Variants in PARD3B observed in about 807,000 individuals in gnomAD.
The protein encoded by PARD3B is par-3 family cell polarity regulator beta.
PARD3B carries 103 observed loss-of-function variants against 130.2 expected under a neutral mutation model. The ratio of observed to expected loss-of-function variants is 0.79; its 90% CI spans 0.67 to 0.93. The LOEUF is 0.93. Ranked by LOEUF, PARD3B falls within the 40% of genes least tolerant of loss-of-function variation. PARD3B has a pLI of 0.00. For missense variants in PARD3B, 1,609 were observed against 1,499.2 expected (o/e 1.07, Z -1.21); for synonymous variants, 583 against 553.2 (o/e 1.05, Z -0.76).
intron 2 of PARD3B, among the ~76,000 whole-genome samples, chr2:204,732,488 G>A (rs1309034881): frequency 1.2e-4 from 18 of 150,100 alleles, no homozygotes. Context: ...TTATTCACAA[G>A]AGAAGAAAGT....
intron 21 of PARD3B, among the ~76,000 whole-genome samples, chr2:205,520,089 TGTTCCTCCCCTAA>T (rs1283302101): frequency 1.3e-5 from 2 of 152,168 alleles, no homozygotes; most frequent in East Asian, 3.9e-4. Context: ...TCAGTGTTTT[TGTTCCTCCCCTAA>T]CTTAGAGGCA....
intron 2 of PARD3B, among the ~76,000 whole-genome samples, chr2:204,908,312 A>G (rs2047110509): frequency 6.6e-6 from 1 of 152,236 alleles, no homozygotes; most frequent in South Asian, 2.1e-4. Context: ...TAATTATCAC[A>G]TATCGAAGAT....
intron 2 of PARD3B, among the ~76,000 whole-genome samples, chr2:204,856,630 T>C (rs572196359): frequency 6.6e-6 from 1 of 152,322 alleles, no homozygotes; most frequent in African/African-American, 2.4e-5. Flanking sequence ...ACTGGTGTCA[T>C]GGAGCATTTC....
intron 4 of PARD3B, among the ~76,000 whole-genome samples, chr2:205,062,554 T>C (rs549237699): frequency 6.6e-6 from 1 of 152,266 alleles, no homozygotes; most frequent in African/African-American, 2.4e-5. Context: ...GGAGTGGAAG[T>C]GCACTGAGGA....
intron 11 of PARD3B, among the ~76,000 whole-genome samples, chr2:205,159,490 C>T (rs1296574913): frequency 6.6e-6 from 1 of 152,142 alleles, no homozygotes; most frequent in Admixed American, 6.5e-5. Context: ...GTATAGTGTA[C>T]TGGTTAGCTA....
rs772335730 is a variant in PARD3B at position 205,400,979 on chromosome 2, A to G, written c.2631-34A>G. ...GCTCTACCGCAAAAACAATGTGATT[A>G]TTGTTAACAGCCTTCTCCTTCACGT... is the stretch of plus-strand genomic sequence containing the variant. On this transcript the variant is annotated intron_variant, in intron 18 of 22. Coordinates refer to ENST00000406610, the MANE Select transcript of PARD3B (RefSeq NM_001302769.2). 6.1e-6 allele frequency: 9 copies of G among 1,486,826 alleles called. No homozygotes were observed. In the Admixed American group the frequency reaches 1.7e-4, roughly 29 times the overall value. 92.1% of individuals were successfully genotyped at this position (1,486,826 alleles called of 1,614,324 possible).
chr2:204,860,163 T>C (rs2045123499), intron 2 of PARD3B, among the ~76,000 whole-genome samples: 1 of 152,218 alleles, frequency 6.6e-6, no homozygotes, highest in South Asian at 2.1e-4. Flanking sequence ...AAAAATGTGT[T>C]ATATCAATGA....
At chr2:204,984,882 T>C (rs1292529561) in intron 3 of PARD3B, among the ~76,000 whole-genome samples, 2 of 152,088 alleles carry the variant, frequency 1.3e-5, no homozygotes, top group Non-Finnish European at 2.9e-5. Context: ...CAGGAAAGAA[T>C]TACTGCTCAC....
chr2:205,113,432 T>A, intron 5 of PARD3B, 59 bp from the exon 6 acceptor site: 1 of 1,142,258 alleles, frequency 8.8e-7, no homozygotes, highest in Non-Finnish European at 1.3e-6. Flanking sequence ...GTATTTTAGA[T>A]GTGCTCCCTC....
intron 3 of PARD3B, among the ~76,000 whole-genome samples, chr2:205,027,930 G>T (rs905705666): frequency 2.0e-5 from 3 of 152,042 alleles, no homozygotes; most frequent in Admixed American, 6.6e-5. Flanking sequence ...AATGTGTCTT[G>T]TTTTTATGCC....
At position 205,575,111 on chromosome 2, in the gene PARD3B, ACACG is replaced by A. The variant is rs200664614; in HGVS notation, c.3260+21710_3260+21713del. ...CACACACACACACACACACACACACACACGCGTACACTATATATAAAAATATATT... is the reference window on the plus strand; with the variant it reads ...CACACACACACACACACACACACACACGTACACTATATATAAAAATATATT... On this transcript the variant is annotated intron_variant, in intron 22 of 22. Coordinates refer to ENST00000406610, the MANE Select transcript of PARD3B (RefSeq NM_001302769.2). The surrounding 1 kb of genome is among the most constrained non-coding windows in gnomAD (Gnocchi z 4.6). Among the ~76,000 whole-genome samples, 17,906 of 147,108 alleles carry A rather than the reference ACACG, an allele frequency of 0.12. 1,271 individuals are homozygous for A. The highest frequency in any genetic ancestry group is 0.28 in the East Asian group (1,439 of 5,098).
chr2:205,275,697 C>T (rs1340662119), intron 16 of PARD3B, among the ~76,000 whole-genome samples: 1 of 151,744 alleles, frequency 6.6e-6, no homozygotes, highest in Admixed American at 6.6e-5. Flanking sequence ...ATTAGCCGGG[C>T]ATGGTGGCAG....
In PARD3B at chr2:205,558,707, C is replaced by T. The variant is rs935508852; in HGVS notation, c.3260+5304C>T. ...TCCTCCATTCCTGCCAATTCAATGCCCGTCTCTATGATGATTCCAAAAGTA... is the reference window on the plus strand; with the variant it reads ...TCCTCCATTCCTGCCAATTCAATGCTCGTCTCTATGATGATTCCAAAAGTA... On this transcript the variant is annotated intron_variant, in intron 22 of 22. Transcript: ENST00000406610. This position sits in a 1 kb window ranked among gnomAD's most constrained non-coding sequence, Gnocchi z 4.8. Among the ~76,000 whole-genome samples, 54 of 152,114 alleles carry T rather than the reference C, an allele frequency of 3.5e-4. No individual in the cohort carries two copies. Among genetic ancestry groups the T allele is most frequent in the Non-Finnish European group, 1.3e-4 (9 of 68,028 alleles).
At chr2:204,592,076 C>A (rs558813844) in intron 1 of PARD3B, among the ~76,000 whole-genome samples, 6 of 152,236 alleles carry the variant, frequency 3.9e-5, no homozygotes, top group Admixed American at 6.5e-5. Context: ...GGTATGGTTG[C>A]AATGCAGACC....
chr2:204,868,269 A>T (rs1482123329), intron 2 of PARD3B, among the ~76,000 whole-genome samples: 1 of 152,228 alleles, frequency 6.6e-6, no homozygotes, highest in African/African-American at 2.4e-5. Context: ...AGCCAAAGAT[A>T]GTGTGCTGTA....
intron 2 of PARD3B, among the ~76,000 whole-genome samples, chr2:204,798,195 C>T (rs1256551038): frequency 2.0e-5 from 3 of 152,154 alleles, no homozygotes; most frequent in African/African-American, 7.2e-5. Context: ...TCCCTCATCC[C>T]CCAGCAGCCG....
At chr2:205,059,998 T>C (rs1699973861) in intron 4 of PARD3B, among the ~76,000 whole-genome samples, 1 of 152,190 alleles carries the variant, frequency 6.6e-6, no homozygotes, top group South Asian at 2.1e-4. Context: ...GACGACGAAG[T>C]TCAGGCTCAA....
rs77043075 is a variant in PARD3B at position 204,695,438 on chromosome 2, G to T, written c.222+9156G>T. On this transcript the variant is annotated intron_variant, in intron 2 of 22. Transcript: ENST00000406610. ...GTACCTGTGTGTATTGATTCAGATC[G>T]TGCTCCACTAATACCTAGCTGAAAT... Among the ~76,000 whole-genome samples, 1,251 of 152,070 alleles carry T rather than the reference G, an allele frequency of 8.2e-3. 10 individuals are homozygous for T. Among genetic ancestry groups the T allele is most frequent in the African/African-American group, 0.028 (1,150 of 41,502 alleles).
chr2:204,570,739 T>C (rs1261310937), intron 1 of PARD3B, among the ~76,000 whole-genome samples: 1 of 150,542 alleles, frequency 6.6e-6, no homozygotes. Flanking sequence ...CTGAGGTGTA[T>C]GAGCTGTTGT....
Sources: allele counts gnomAD v4.1 joint callset (sites outside exome capture counted in the v4.1 genomes callset), GRCh38; gene constraint gnomAD v4.1.1; non-coding constraint Gnocchi (gnomAD v3.1); transcripts MANE v1.5; gene names NCBI Gene and HGNC (gene_info 2026-07-23, HGNC 2026-07-21).